CSMD1: variants seen among roughly 807,000 people sequenced by gnomAD.
The protein encoded by CSMD1 is CUB and Sushi multiple domains 1, also known as CUB and sushi domain-containing protein 1.
In CSMD1, 213 loss-of-function variants were observed where a neutral mutation model predicts 417.5. That is an observed-to-expected ratio of 0.51 (90% confidence interval 0.46 to 0.57). The LOEUF is 0.57. Ranked by LOEUF, CSMD1 falls within the 20% of genes least tolerant of loss-of-function variation. The pLI is 0.00. For missense variants in CSMD1, 6,923 were observed against 4,529.7 expected (o/e 1.53, Z -15.17); for synonymous variants, 2,862 against 1,736.8 (o/e 1.65, Z -16.11).
chr8:4,056,343 A>G (rs183896525), intron 3 of CSMD1, among the ~76,000 whole-genome samples: 41 of 151,070 alleles, frequency 2.7e-4, no homozygotes, highest in Admixed American at 1.3e-3. Flanking sequence ...TCAGCCTCCC[A>G]AAGTGCTGGG....
chr8:2,984,804 T>C (rs1805732775), intron 54 of CSMD1, among the ~76,000 whole-genome samples: 1 of 152,254 alleles, frequency 6.6e-6, no homozygotes, highest in African/African-American at 2.4e-5. Context: ...GGTAATAAAC[T>C]TTTCAATCGT....
intron 5 of CSMD1, among the ~76,000 whole-genome samples, chr8:3,842,379 A>C (rs558529767): frequency 5.0e-4 from 76 of 152,298 alleles, no homozygotes; most frequent in Non-Finnish European, 7.9e-4. Context: ...TGTATACTTA[A>C]ACAAAAATCC....
intron 4 of CSMD1, among the ~76,000 whole-genome samples, chr8:4,028,174 G>A (rs780576061): frequency 6.6e-6 from 1 of 152,294 alleles, no homozygotes; most frequent in African/African-American, 2.4e-5. Context: ...TGGGCATCTA[G>A]AGTAGGAACT....
chr8:4,349,169 A>G (rs754475253), intron 3 of CSMD1, among the ~76,000 whole-genome samples: 27 of 152,236 alleles, frequency 1.8e-4, no homozygotes, highest in Non-Finnish European at 3.7e-4. Flanking sequence ...CTTTTGGTGT[A>G]ATTTCATCAG....
chr8:4,825,903 C>T (rs1317076642), intron 1 of CSMD1, among the ~76,000 whole-genome samples: 3 of 151,766 alleles, frequency 2.0e-5, no homozygotes, highest in South Asian at 2.1e-4. Flanking sequence ...AACATCACTG[C>T]GAACCAAGAA....
intron 5 of CSMD1, among the ~76,000 whole-genome samples, chr8:3,851,921 G>A (rs947390883): frequency 4.3e-4 from 65 of 152,232 alleles, no homozygotes; most frequent in African/African-American, 1.3e-3. Context: ...AGTACTGGGG[G>A]CCTGAGCATT....
chr8:3,702,786 C>T (rs574971392), intron 7 of CSMD1, among the ~76,000 whole-genome samples: 2 of 152,258 alleles, frequency 1.3e-5, no homozygotes, highest in Non-Finnish European at 1.5e-5. Flanking sequence ...TAGCTGAGAT[C>T]GCACCACACT....
intron 5 of CSMD1, among the ~76,000 whole-genome samples, chr8:3,761,092 T>A (rs113794186): frequency 9.2e-5 from 14 of 152,326 alleles, no homozygotes; most frequent in African/African-American, 3.1e-4. Flanking sequence ...ATGTTTTGAA[T>A]TGGCTGTTAC....
intron 5 of CSMD1, among the ~76,000 whole-genome samples, chr8:3,958,787 C>G (rs2627496): frequency 0.46 from 69,274 of 151,952 alleles, 16,720 homozygotes; most frequent in East Asian, 0.79. Context: ...AGAGGAACGA[C>G]ATTATGGCTT....
intron 1 of CSMD1, among the ~76,000 whole-genome samples, chr8:4,647,367 G>A (rs1226820965): frequency 6.6e-6 from 1 of 151,390 alleles, no homozygotes; most frequent in Non-Finnish European, 1.5e-5. Context: ...ACGGCGGCCT[G>A]CTACGTAGGT....
intron 5 of CSMD1, among the ~76,000 whole-genome samples, chr8:3,762,902 A>G (rs894778056): frequency 2.5e-4 from 38 of 152,286 alleles, no homozygotes; most frequent in African/African-American, 8.7e-4. Flanking sequence ...GCTACTGAAT[A>G]AAATCAACTT....
chr8:4,391,867 G>A (rs1585003463), intron 3 of CSMD1, among the ~76,000 whole-genome samples: 1 of 152,164 alleles, frequency 6.6e-6, no homozygotes, highest in Non-Finnish European at 1.5e-5. Context: ...TCTCATCTGG[G>A]TATGTCCACC....
rs370008073 is a variant in CSMD1, at chr8:4,852,763, GTGGACAGTGA to G, written c.85+141559_85+141568del. Among the ~76,000 whole-genome samples, 1,143 of 152,268 alleles carry G rather than the reference GTGGACAGTGA, an allele frequency of 7.5e-3. 16 individuals are homozygous for G. The highest frequency in any genetic ancestry group is 0.027 in the African/African-American group (1,102 of 41,568). ...TTATAACCAAAATGCTGATAGAAAT[GTGGACAGTGA>G]TGGGCAGGCTGATGAGGTCTTAGAT... On this transcript the variant is annotated intron_variant, in intron 1 of 69. Transcript: ENST00000635120.
chr8:3,256,191 G>T (rs560182193), intron 26 of CSMD1, among the ~76,000 whole-genome samples: 1 of 152,166 alleles, frequency 6.6e-6, no homozygotes, highest in East Asian at 1.9e-4. Flanking sequence ...AGCTGGGCGT[G>T]GTGGTGGCAC....
intron 27 of CSMD1, among the ~76,000 whole-genome samples, chr8:3,227,439 T>C (rs920872718): frequency 6.6e-5 from 10 of 152,172 alleles, no homozygotes; most frequent in Admixed American, 3.3e-4. Flanking sequence ...GTCCGAGAAA[T>C]ATGCGAGTTT....
At chr8:3,917,112 T>C (rs980340108) in intron 5 of CSMD1, among the ~76,000 whole-genome samples, 1 of 152,168 alleles carries the variant, frequency 6.6e-6, no homozygotes, top group South Asian at 2.1e-4. Context: ...AAAATCTTTG[T>C]CATAAAAGAT....
At chr8:3,083,875 G>T (rs1398651453) in intron 49 of CSMD1, among the ~76,000 whole-genome samples, 13 of 151,266 alleles carry the variant, frequency 8.6e-5, no homozygotes, top group Admixed American at 3.3e-4. Flanking sequence ...GCCCAGGCTG[G>T]CCTGAACTCC....
intron 21 of CSMD1, among the ~76,000 whole-genome samples, chr8:3,356,478 C>T (rs1808799720): frequency 6.6e-6 from 1 of 152,158 alleles, no homozygotes; most frequent in African/African-American, 2.4e-5. Context: ...AGTCCGAGAC[C>T]AGCCTGGTCA....
chr8:3,629,157 A>T (rs1469185368), intron 7 of CSMD1, among the ~76,000 whole-genome samples: 1 of 152,014 alleles, frequency 6.6e-6, no homozygotes, highest in Non-Finnish European at 1.5e-5. Context: ...AGAACCCGGG[A>T]TGTTCGCAGG....
Sources: gnomAD v4.1 joint callset for allele counts (sites outside exome capture counted in the v4.1 genomes callset) on GRCh38, gnomAD v4.1.1 for gene constraint, MANE v1.5 for transcripts, NCBI Gene and HGNC (gene_info 2026-07-23, HGNC 2026-07-21) for gene names.